Variants in FMN1 observed in about 807,000 individuals in gnomAD.
FMN1 encodes the protein formin 1.
FMN1 carries 110 observed loss-of-function variants against 132.4 expected under a neutral mutation model. The ratio of observed to expected loss-of-function variants is 0.83; its 90% CI spans 0.71 to 0.97. The LOEUF (loss-of-function observed/expected upper bound fraction) is 0.97, where lower values mean the gene tolerates loss of function less well. FMN1 is among the 50% of genes least tolerant of loss of function. The pLI is 0.00. For synonymous variants in FMN1, 722 were observed against 651.7 expected (o/e 1.11, Z -1.64); for missense variants, 1,792 against 1,705.3 (o/e 1.05, Z -0.90).
In FMN1 at chr15:33,175,270, T is replaced by C. The variant is rs115460773; in HGVS notation, c.-132+4928A>G. Among the ~76,000 whole-genome samples, 696 of 152,334 alleles carry C rather than the reference T, an allele frequency of 4.6e-3. 2 individuals carry two copies. Among genetic ancestry groups the C allele is most frequent in the African/African-American group, 0.016 (674 of 41,584 alleles). ...GTTTTTTACAGCCAGGGTTTTGCCA[T>C]GTTGCCCAGGCTGGGGTCAAATTCC... is the stretch of plus-strand genomic sequence containing the variant. On this transcript the variant is annotated intron_variant, in intron 3 of 20. Coordinates refer to ENST00000616417, the MANE Select transcript of FMN1 (RefSeq NM_001277313.2).
intron 6 of FMN1, among the ~76,000 whole-genome samples, chr15:33,043,560 A>G (rs1252982495): frequency 6.6e-6 from 1 of 152,244 alleles, no homozygotes; most frequent in Non-Finnish European, 1.5e-5. Flanking sequence ...TTGCTCAATT[A>G]AACTCCTTTA....
chr15:32,958,553 CAT>C (rs1338269198), intron 9 of FMN1, among the ~76,000 whole-genome samples: 3 of 103,688 alleles, frequency 2.9e-5, no homozygotes, highest in African/African-American at 5.5e-5. Flanking sequence ...AGAAGATATA[CAT>C]ACATACATAC....
chr15:33,112,705 G>C (rs74788858), intron 4 of FMN1, among the ~76,000 whole-genome samples: 3 of 152,100 alleles, frequency 2.0e-5, no homozygotes, highest in Non-Finnish European at 2.9e-5. Context: ...TTGAGTACGT[G>C]ATAACAGTCA....
intron 5 of FMN1, among the ~76,000 whole-genome samples, chr15:33,082,806 T>A (rs1290372310): frequency 1.3e-5 from 2 of 152,106 alleles, no homozygotes; most frequent in Non-Finnish European, 2.9e-5. Flanking sequence ...GGATCTTGTT[T>A]CAAAAGTAAT....
At chr15:32,785,331 A>G (rs2056840677) in intron 19 of FMN1, among the ~76,000 whole-genome samples, 1 of 148,750 alleles carries the variant, frequency 6.7e-6, no homozygotes, top group African/African-American at 2.5e-5. Context: ...TATTAGGATT[A>G]CAGGTGTAAG....
At chr15:33,082,034 T>G (rs902598283) in intron 5 of FMN1, among the ~76,000 whole-genome samples, 37 of 137,856 alleles carry the variant, frequency 2.7e-4, no homozygotes, top group African/African-American at 7.8e-4. Flanking sequence ...TGTGTGTGTG[T>G]GTGTGTGTGT....
chr15:32,982,684 T>C (rs148502064), intron 7 of FMN1, among the ~76,000 whole-genome samples: 109 of 152,212 alleles, frequency 7.2e-4, no homozygotes, highest in Non-Finnish European at 1.2e-3. Context: ...CAGGCCTCAA[T>C]AGAACGAAAA....
intron 4 of FMN1, among the ~76,000 whole-genome samples, chr15:33,140,262 A>C (rs1278939496): frequency 6.6e-6 from 1 of 151,606 alleles, no homozygotes; most frequent in African/African-American, 2.4e-5. Context: ...CCCTTTAATT[A>C]AATTGAGAGC....
chr15:32,906,323 A>T (rs1485682316), intron 12 of FMN1, among the ~76,000 whole-genome samples: 1 of 152,244 alleles, frequency 6.6e-6, no homozygotes, highest in Non-Finnish European at 1.5e-5. Flanking sequence ...ATTGTTGAAA[A>T]AAGAGTCAAC....
chr15:33,031,162 T>TAC (rs1343055747), intron 6 of FMN1, among the ~76,000 whole-genome samples: 1 of 152,108 alleles, frequency 6.6e-6, no homozygotes, highest in East Asian at 1.9e-4. Context: ...TAATAAGAAA[T>TAC]ACAGCCAGGA....
intron 10 of FMN1, among the ~76,000 whole-genome samples, chr15:32,917,912 T>C (rs1204079142): frequency 6.6e-6 from 1 of 152,236 alleles, no homozygotes. Flanking sequence ...GCCCATGTTA[T>C]GAAAATTTCA....
intron 5 of FMN1, among the ~76,000 whole-genome samples, chr15:33,082,093 A>ATGTG (rs61138142): frequency 0.15 from 18,454 of 119,984 alleles, 1,374 homozygotes; most frequent in East Asian, 0.26. Context: ...CTGGAAAACA[A>ATGTG]TGTGTGTGTG....
rs1052194591 is a variant in FMN1 at position 33,040,899 on chromosome 15, C to T, written c.2161+24058G>A. Among the ~76,000 whole-genome samples, 4 of 152,172 alleles carry T rather than the reference C, an allele frequency of 2.6e-5. No individual in the cohort carries two copies. The East Asian group carries it at 5.8e-4, about 22-fold the overall frequency. On this transcript the variant is annotated intron_variant, in intron 6 of 20. Coordinates refer to ENST00000616417, the MANE Select transcript of FMN1 (RefSeq NM_001277313.2). ...TGTTTCTATTTTAACAAATCTAGTG[C>T]TCTACTACAGAGTCACTGGATACTT...
At chr15:33,059,147 T>C (rs767159202) in intron 6 of FMN1, among the ~76,000 whole-genome samples, 5 of 152,196 alleles carry the variant, frequency 3.3e-5, no homozygotes, top group Non-Finnish European at 5.9e-5. Context: ...GCAACATTTG[T>C]CTTTCTTGTG....
At chr15:32,909,151 C>T (rs1349661750) in intron 11 of FMN1, among the ~76,000 whole-genome samples, 1 of 152,196 alleles carries the variant, frequency 6.6e-6, no homozygotes, top group Non-Finnish European at 1.5e-5. Context: ...CAAGCGGCAA[C>T]CATGTGCTTA....
At chr15:32,845,128 C>T (rs1426141708) in intron 17 of FMN1, among the ~76,000 whole-genome samples, 1 of 152,170 alleles carries the variant, frequency 6.6e-6, no homozygotes, top group Non-Finnish European at 1.5e-5. Context: ...CTGTATAAAT[C>T]AAAGAGAAGT....
At chr15:32,927,405 C>G (rs1249802433) in intron 9 of FMN1, among the ~76,000 whole-genome samples, 1 of 152,064 alleles carries the variant, frequency 6.6e-6, no homozygotes, top group Non-Finnish European at 1.5e-5. Context: ...GTGCAGGCCA[C>G]CATGCTTGGC....
chr15:32,840,429 C>T (rs535220077), intron 17 of FMN1, among the ~76,000 whole-genome samples: 114 of 152,302 alleles, frequency 7.5e-4, no homozygotes, highest in African/African-American at 2.6e-3. Context: ...TGTAATCACC[C>T]GGTATCAGCA....
At position 32,787,096 on chromosome 15, in the gene FMN1, G is replaced by A. The variant is rs563730434; in HGVS notation, c.4131-10177C>T. 2.6e-5 allele frequency among the ~76,000 whole-genome samples: 4 copies of A among 152,228 alleles called. No homozygotes were observed. In the South Asian group the frequency reaches 6.2e-4, roughly 24 times the overall value. On this transcript the variant is annotated intron_variant, in intron 19 of 20. Transcript: ENST00000616417. ...AATTCCTGACATAACTATCGCACGA[G>A]GTTAACTGCTATAAAAGTCAATGAA... is the stretch of plus-strand genomic sequence containing the variant.
Sources: gnomAD v4.1 joint callset for allele counts (sites outside exome capture counted in the v4.1 genomes callset) on GRCh38, gnomAD v4.1.1 for gene constraint, MANE v1.5 for transcripts, NCBI Gene and HGNC (gene_info 2026-07-23, HGNC 2026-07-21) for gene names.